The following MACROD2 variants were observed in gnomAD, a reference collection of about 807,000 sequenced individuals.
The protein encoded by MACROD2 is ADP-ribose glycohydrolase MACROD2.
In MACROD2, 36 loss-of-function variants were observed where a neutral mutation model predicts 70.4. The observed-to-expected ratio is 0.51, with a 90% CI of 0.39 to 0.68. The LOEUF (loss-of-function observed/expected upper bound fraction) is 0.68. Ranked by LOEUF, MACROD2 falls within the 30% of genes least tolerant of loss-of-function variation. The pLI is 0.00. For synonymous variants in MACROD2, 172 were observed against 178.8 expected, an observed-to-expected ratio of 0.96 and a Z score of 0.30; for missense variants, 496 against 538.4, an observed-to-expected ratio of 0.92 and a Z score of 0.78.
chr20:14,933,391 A>G (rs1185932922), intron 5 of MACROD2, among the ~76,000 whole-genome samples: 4 of 152,162 alleles, frequency 2.6e-5, no homozygotes, highest in African/African-American at 9.7e-5. Flanking sequence ...ATATTTTTAA[A>G]GTTTTTGGCT....
chr20:15,353,153 A>T (rs1291472837), intron 6 of MACROD2, among the ~76,000 whole-genome samples: 2 of 150,654 alleles, frequency 1.3e-5, no homozygotes, highest in African/African-American at 2.4e-5. Flanking sequence ...ACCAAAACAG[A>T]GATATAGATC....
chr20:14,612,853 C>T (rs1335777404), intron 4 of MACROD2, among the ~76,000 whole-genome samples: 1 of 152,054 alleles, frequency 6.6e-6, no homozygotes, highest in African/African-American at 2.4e-5. Flanking sequence ...GGAAAAAAAT[C>T]AGCTACTACT....
At chr20:15,885,916 T>C in intron 10 of MACROD2, 105 bp downstream of exon 10, 2 of 1,207,594 alleles carry the variant, frequency 1.7e-6, no homozygotes, top group Non-Finnish European at 2.2e-6. Context: ...ATTAATAAAA[T>C]AGAAATATAT....
At chr20:15,134,027 C>A (rs1162694059) in intron 5 of MACROD2, among the ~76,000 whole-genome samples, 1 of 149,496 alleles carries the variant, frequency 6.7e-6, no homozygotes, top group Non-Finnish European at 1.5e-5. Context: ...CTGCCTCAGC[C>A]TCCCGCGTAG....
At chr20:14,054,389 G>A (rs1047056919) in intron 2 of MACROD2, among the ~76,000 whole-genome samples, 4 of 152,008 alleles carry the variant, frequency 2.6e-5, no homozygotes, top group Admixed American at 6.6e-5. Flanking sequence ...CAACATCTTA[G>A]AGTAGAAGGC....
chr20:14,349,007 A>G (rs1051477253), intron 3 of MACROD2, among the ~76,000 whole-genome samples: 2 of 152,078 alleles, frequency 1.3e-5, no homozygotes, highest in African/African-American at 4.8e-5. Context: ...GGTGGAGGTT[A>G]CAGTGGGCCA....
chr20:15,772,101 A>AATATATATATAT lies in MACROD2; in HGVS notation c.646-90627_646-90616dup, dbSNP rs201468504. On this transcript the variant is annotated intron_variant, in intron 8 of 17. Coordinates refer to ENST00000684519, the MANE Select transcript of MACROD2 (RefSeq NM_001351661.2). The stretch of plus-strand genomic sequence containing the variant: ...CTCGGTCTCAAAAAAAAAAAAAAAA[A>AATATATATATAT]ATATATATATATATATATATATATA... 2.0e-4 allele frequency among the ~76,000 whole-genome samples: 18 copies of AATATATATATAT among 91,402 alleles called. No individual in the cohort carries two copies. The East Asian group carries it at 3.6e-3, about 18-fold the overall frequency. The allele number at this position is 91,402 out of a possible 152,430, so 60.0% of individuals were successfully genotyped here.
At chr20:14,421,356 T>A (rs551494111) in intron 3 of MACROD2, among the ~76,000 whole-genome samples, 1 of 152,258 alleles carries the variant, frequency 6.6e-6, no homozygotes, top group South Asian at 2.1e-4. Context: ...TTTTTGTTGT[T>A]GTTGTTGGAA....
chr20:15,748,791 A>T (rs2051224462), intron 8 of MACROD2, among the ~76,000 whole-genome samples: 1 of 152,106 alleles, frequency 6.6e-6, no homozygotes, highest in Admixed American at 6.6e-5. Flanking sequence ...CATTATTCTA[A>T]ATCAAGACCC....
intron 3 of MACROD2, among the ~76,000 whole-genome samples, chr20:14,464,667 C>T (rs961105999): frequency 1.3e-5 from 2 of 151,758 alleles, no homozygotes; most frequent in African/African-American, 2.4e-5. Flanking sequence ...CTCTTGTGGG[C>T]GTTTAGTGCT....
chr20:15,562,850 G>A (rs2048262773), intron 8 of MACROD2, among the ~76,000 whole-genome samples: 1 of 152,182 alleles, frequency 6.6e-6, no homozygotes, highest in African/African-American at 2.4e-5. Flanking sequence ...TGGGCAATTT[G>A]GGGATGATCC....
intron 5 of MACROD2, among the ~76,000 whole-genome samples, chr20:14,805,555 G>A (rs768971532): frequency 6.6e-5 from 10 of 151,984 alleles, no homozygotes; most frequent in Non-Finnish European, 1.2e-4. Flanking sequence ...CCAAACCTGT[G>A]TAAAAATTTA....
rs373581789 is a variant in MACROD2 at position 14,813,321 on chromosome 20, G to A, written c.418+128362G>A. Among the ~76,000 whole-genome samples, 8 of 151,310 alleles carry A rather than the reference G, an allele frequency of 5.3e-5. No individual in the cohort carries two copies. The South Asian group carries it at 1.3e-3, about 24-fold the overall frequency. On this transcript the variant is annotated intron_variant, in intron 5 of 17. Transcript: ENST00000684519. Reference sequence around the variant, plus strand: ...GTATTAAGCCTTACATGCATTATCTGTTTATCCTGATGCTCTCCCCCTTCC... The same window carrying A: ...GTATTAAGCCTTACATGCATTATCTATTTATCCTGATGCTCTCCCCCTTCC...
chr20:14,422,125 ATGAAT>A (rs1600222778), intron 3 of MACROD2, among the ~76,000 whole-genome samples: 2 of 152,024 alleles, frequency 1.3e-5, no homozygotes, highest in African/African-American at 4.8e-5. Flanking sequence ...TATATTTTTG[ATGAAT>A]TGACCCTTTT....
chr20:15,170,720 G>T (rs2076416630), intron 5 of MACROD2, among the ~76,000 whole-genome samples: 1 of 152,220 alleles, frequency 6.6e-6, no homozygotes, highest in Admixed American at 6.5e-5. Context: ...TTCCTGCACA[G>T]CCATGTGACA....
rs374214019 is a variant in MACROD2 at position 15,961,321 on chromosome 20, T to C, written c.908-6232T>C. Among the ~76,000 whole-genome samples the C allele has an allele frequency of 2.6e-5, 4 of 152,138 alleles. No individual in the cohort carries two copies. The South Asian group carries it at 8.3e-4, about 32-fold the overall frequency. On this transcript the variant is annotated intron_variant, in intron 12 of 17. Transcript: ENST00000684519. The stretch of plus-strand genomic sequence containing the variant: ...TACAGGTCTTTGAAGCTCAACATAG[T>C]ATCTCCCACAAAGGACCCAAATGCT...
Position 14,542,117 on chromosome 20 carries a change from C to T in MACROD2, c.301+48609C>T, listed in dbSNP as rs1011720108. Among the ~76,000 whole-genome samples the T allele has an allele frequency of 5.3e-5, 8 of 152,222 alleles. 1 individual carries two copies. Among genetic ancestry groups the T allele is most frequent in the African/African-American group, 1.9e-4 (8 of 41,450 alleles). On this transcript the variant is annotated intron_variant, in intron 4 of 17. Coordinates refer to ENST00000684519, the MANE Select transcript of MACROD2 (RefSeq NM_001351661.2). Reference sequence around the variant, plus strand: ...CGTCTGCTGACGCGAGACACCTATGCCTGCATGGCATCAGTTAGCTGGAGC... The same window carrying T: ...CGTCTGCTGACGCGAGACACCTATGTCTGCATGGCATCAGTTAGCTGGAGC...
intron 6 of MACROD2, among the ~76,000 whole-genome samples, chr20:15,314,166 C>T (rs1360450857): frequency 6.6e-6 from 1 of 152,098 alleles, no homozygotes; most frequent in African/African-American, 2.4e-5. Flanking sequence ...TTTCAAGGGC[C>T]TGTTGCTTTT....
At chr20:14,157,801 C>G (rs1298919245) in intron 3 of MACROD2, among the ~76,000 whole-genome samples, 1 of 152,044 alleles carries the variant, frequency 6.6e-6, no homozygotes, top group East Asian at 1.9e-4. Flanking sequence ...TGTGTATAGC[C>G]ACATTTTCTT....
Sources: allele counts gnomAD v4.1 joint callset (sites outside exome capture counted in the v4.1 genomes callset), GRCh38; gene constraint gnomAD v4.1.1; transcripts MANE v1.5; gene names NCBI Gene and HGNC (gene_info 2026-07-23, HGNC 2026-07-21).